The following E2F3 variants were observed in gnomAD, a reference collection of about 807,000 sequenced individuals.
E2F3 encodes the protein E2F transcription factor 3.
A neutral mutation model predicts 44.4 loss-of-function variants in E2F3; 11 were observed. The ratio of observed to expected loss-of-function variants is 0.25; its 90% CI spans 0.16 to 0.41. E2F3 has a LOEUF of 0.41. E2F3 is among the 10% of genes least tolerant of loss of function. The pLI is 1.00. For synonymous variants in E2F3, 249 were observed against 253.0 expected, an observed-to-expected ratio of 0.98 and a Z score of 0.15; for missense variants, 487 against 583.6, an observed-to-expected ratio of 0.83 and a Z score of 1.70.
chr6:20,414,424 C>G (rs1297755142), intron 1 of E2F3, among the ~76,000 whole-genome samples: 1 of 151,978 alleles, frequency 6.6e-6, no homozygotes, highest in Non-Finnish European at 1.5e-5. Context: ...TGTCCTGAAC[C>G]AAGATAGCTC....
At chr6:20,403,779 C>T (rs921806009) in intron 1 of E2F3, 3 of 1,499,232 alleles carry the variant, frequency 2.0e-6, no homozygotes, top group Admixed American at 4.3e-5. Flanking sequence ...TCCAGCCGGC[C>T]CCCCACCTCC....
At chr6:20,427,234 G>T (rs1336979362) in intron 1 of E2F3, among the ~76,000 whole-genome samples, 1 of 152,166 alleles carries the variant, frequency 6.6e-6, no homozygotes, top group Non-Finnish European at 1.5e-5. Context: ...CCCTCCCTAT[G>T]TCCACTCCTA....
In E2F3 at chr6:20,481,318, GGCA is replaced by G; in HGVS notation, c.623_625del (p.Ala208del). On this transcript the variant is annotated inframe_deletion, in exon 3 of 7. Coordinates refer to ENST00000346618, the MANE Select transcript of E2F3 (RefSeq NM_001949.5). ...CCGATGGGGTATTGGATTTGAACAAGGCAGCAGAAGTGCTAAAAGTGCAAAAGA... is the reference window on the plus strand; with the variant it reads ...CCGATGGGGTATTGGATTTGAACAAGGCAGAAGTGCTAAAAGTGCAAAAGA... 6.2e-7 allele frequency: 1 copy of G among 1,614,166 alleles called. No homozygotes were observed. Among genetic ancestry groups the G allele is most frequent in the Non-Finnish European group, 8.5e-7 (1 of 1,180,040 alleles).
At chr6:20,418,438 C>T (rs1381644042) in intron 1 of E2F3, among the ~76,000 whole-genome samples, 1 of 152,180 alleles carries the variant, frequency 6.6e-6, no homozygotes, top group Non-Finnish European at 1.5e-5. Flanking sequence ...GCAATTTTTG[C>T]ACCCTAGGGA....
At chr6:20,437,639 G>GCTCT (rs1229350250) in intron 1 of E2F3, among the ~76,000 whole-genome samples, 3 of 152,092 alleles carry the variant, frequency 2.0e-5, no homozygotes, top group Non-Finnish European at 2.9e-5. Context: ...TTTTGTTAAG[G>GCTCT]AGAGCACAGA....
At chr6:20,448,281 A>G (rs1041409487) in intron 1 of E2F3, among the ~76,000 whole-genome samples, 2 of 152,310 alleles carry the variant, frequency 1.3e-5, no homozygotes, top group East Asian at 1.9e-4. Flanking sequence ...GCAGACTAGC[A>G]TGTTGCCTTG....
intron 1 of E2F3, among the ~76,000 whole-genome samples, chr6:20,428,248 G>A: frequency 6.6e-6 from 1 of 151,794 alleles, no homozygotes; most frequent in Non-Finnish European, 1.5e-5. Context: ...TTTTGAGATG[G>A]ATTCTTGCTG....
intron 2 of E2F3, among the ~76,000 whole-genome samples, chr6:20,480,425 T>G (rs1402558777): frequency 6.6e-6 from 1 of 152,176 alleles, no homozygotes; most frequent in East Asian, 1.9e-4. Flanking sequence ...TATTACCGTT[T>G]CTTGTGGGAG....
chr6:20,441,759 C>G (rs2876565), intron 1 of E2F3, among the ~76,000 whole-genome samples: 130,441 of 146,432 alleles, frequency 0.89, 58,240 homozygotes, highest in East Asian at 0.93. Context: ...GTACAGACAG[C>G]GTTTCACTGT....
intron 1 of E2F3, chr6:20,452,457 G>T (rs1392825448): frequency 6.6e-6 from 1 of 151,960 alleles, no homozygotes; most frequent in Non-Finnish European, 1.5e-5. Flanking sequence ...TCATATATGT[G>T]CTGCTGAAGC....
chr6:20,461,598 A>G (rs1366899797), intron 1 of E2F3, among the ~76,000 whole-genome samples: 1 of 152,200 alleles, frequency 6.6e-6, no homozygotes, highest in South Asian at 2.1e-4. Context: ...CTACGTATTT[A>G]TTAATCTAAT....
chr6:20,444,854 G>C (rs566141704), intron 1 of E2F3, among the ~76,000 whole-genome samples: 304 of 152,362 alleles, frequency 2.0e-3, no homozygotes, highest in Non-Finnish European at 3.0e-3. Flanking sequence ...AGTCATGAAT[G>C]GGTGTGGTAG....
chr6:20,406,624 TAGAG>T (rs758588938), intron 1 of E2F3, among the ~76,000 whole-genome samples: 2 of 152,188 alleles, frequency 1.3e-5, no homozygotes, highest in Non-Finnish European at 2.9e-5. Flanking sequence ...CACGCCTATA[TAGAG>T]ATAGTGGTGT....
chr6:20,479,976 C>G lies in E2F3; in HGVS notation c.505+19C>G, dbSNP rs778231002. The G allele has an allele frequency of 1.9e-6, 3 of 1,585,914 alleles. No homozygotes were observed. The highest frequency in any genetic ancestry group is 2.6e-6 in the Non-Finnish European group (3 of 1,164,176). On this transcript the variant is annotated intron_variant, in intron 2 of 6. Coordinates refer to ENST00000346618, the MANE Select transcript of E2F3 (RefSeq NM_001949.5). ...CCAAAAAGTAAGGATCTTTTCATCT[C>G]TTTCCTTATTCTCCTTGGTATGGCA...
intron 1 of E2F3, among the ~76,000 whole-genome samples, chr6:20,475,006 T>C (rs1012949612): frequency 1.3e-5 from 2 of 152,216 alleles, no homozygotes; most frequent in Non-Finnish European, 2.9e-5. Context: ...TTGTAGAGCC[T>C]ATAAGTCCAC....
chr6:20,426,933 A>G (rs1391722634), intron 1 of E2F3, among the ~76,000 whole-genome samples: 1 of 152,230 alleles, frequency 6.6e-6, no homozygotes. Context: ...ATGTGGCTCC[A>G]TGAAACTATG....
intron 5 of E2F3, 97 bp from the exon 6 acceptor site, chr6:20,488,016 G>A (rs975370101): frequency 7.1e-6 from 11 of 1,545,836 alleles, no homozygotes; most frequent in East Asian, 2.3e-5. Context: ...AGTGAAAAAC[G>A]AACATTGTTC....
At chr6:20,473,237 A>G (rs1761948391) in intron 1 of E2F3, among the ~76,000 whole-genome samples, 1 of 152,252 alleles carries the variant, frequency 6.6e-6, no homozygotes, top group Non-Finnish European at 1.5e-5. Context: ...CATTAAGGCA[A>G]TATCAACTTA....
intron 1 of E2F3, among the ~76,000 whole-genome samples, chr6:20,433,990 G>T (rs1279408596): frequency 1.3e-5 from 2 of 152,218 alleles, no homozygotes; most frequent in African/African-American, 4.8e-5. Flanking sequence ...TTAATTTTGG[G>T]ATGGAAGTTT....
Sources: gnomAD v4.1 joint callset for allele counts (sites outside exome capture counted in the v4.1 genomes callset) on GRCh38, gnomAD v4.1.1 for gene constraint, MANE v1.5 for transcripts, NCBI Gene and HGNC (gene_info 2026-07-23, HGNC 2026-07-21) for gene names.